The following SEPTIN9 variants were observed in gnomAD, a reference collection of about 807,000 sequenced individuals.
SEPTIN9 encodes the protein septin-9.
SEPTIN9 carries 13 observed loss-of-function variants against 56.6 expected under a neutral mutation model. That is an observed-to-expected ratio of 0.23 (90% CI 0.15 to 0.37). SEPTIN9 has a LOEUF of 0.37. SEPTIN9 is among the 10% of genes least tolerant of loss of function. The pLI is 1.00. For missense variants in SEPTIN9, 650 were observed against 823.1 expected (o/e 0.79, Z 2.57); for synonymous variants, 332 against 334.1 (o/e 0.99, Z 0.07).
rs2036025438 is a variant in SEPTIN9 at position 77,405,190 on chromosome 17, G to A, written c.721+2487G>A. The A allele has an allele frequency of 1.4e-6, 2 of 1,464,072 alleles. No individual in the cohort carries two copies. Among genetic ancestry groups the A allele is most frequent in the South Asian group, 2.4e-5 (2 of 82,328 alleles). The allele number at this position is 1,464,072 out of a possible 1,614,324, so 90.7% of individuals were successfully genotyped here. A position where few individuals can be genotyped will look rare whatever the true frequency, so the allele number is the denominator to read the frequency against. On this transcript the variant is annotated intron_variant, in intron 3 of 11. Coordinates refer to ENST00000427177, the MANE Select transcript of SEPTIN9 (RefSeq NM_001113491.2). The surrounding 1 kb of genome is among the most constrained non-coding windows in gnomAD (Gnocchi z 5.8). ...ACAAGAACATTCTCCTCCAGGGGCA[G>A]ACACAGTTTAGCCCCTAAATTGTGC...
intron 1 of SEPTIN9, among the ~76,000 whole-genome samples, chr17:77,298,618 G>C (rs1162560756): frequency 6.6e-6 from 1 of 152,170 alleles, no homozygotes; most frequent in Non-Finnish European, 1.5e-5. Context: ...CAAGTGCAGG[G>C]ATTCTCACCT....
chr17:77,318,153 C>T lies in SEPTIN9; in HGVS notation c.76+10956C>T, dbSNP rs1196336936. ...GTGGAAAAATTGTCTTCCCTGAAACCGATCCCAGGTGCCAAAAAGGTTGGG... is the reference window on the plus strand; with the variant it reads ...GTGGAAAAATTGTCTTCCCTGAAACTGATCCCAGGTGCCAAAAAGGTTGGG... On this transcript the variant is annotated intron_variant, in intron 2 of 11. Transcript: ENST00000427177. The surrounding 1 kb of genome is among the most constrained non-coding windows in gnomAD (Gnocchi z 4.9). Among the ~76,000 whole-genome samples, 1 of 152,160 alleles carries T rather than the reference C, an allele frequency of 6.6e-6. No homozygotes were observed. Among genetic ancestry groups the T allele is most frequent in the African/African-American group, 2.4e-5 (1 of 41,426 alleles).
rs1419808831 is a variant in SEPTIN9 at position 77,487,914 on chromosome 17, G to A, written c.1043-326G>A. Among the ~76,000 whole-genome samples, 1 of 152,200 alleles carries A rather than the reference G, an allele frequency of 6.6e-6. No individual in the cohort carries two copies. Among genetic ancestry groups the A allele is most frequent in the Non-Finnish European group, 1.5e-5 (1 of 68,028 alleles). On this transcript the variant is annotated intron_variant, in intron 5 of 11. Transcript: ENST00000427177. This position sits in a 1 kb window ranked among gnomAD's most constrained non-coding sequence, Gnocchi z 4.3. Reference sequence around the variant, plus strand: ...GGCAATCCCAGGTCCCCAAGACGGGGACTCGCTGTGCCCACCATCCCCAGC... The same window carrying A: ...GGCAATCCCAGGTCCCCAAGACGGGAACTCGCTGTGCCCACCATCCCCAGC...
rs778792331 is a variant in SEPTIN9 at position 77,498,707 on chromosome 17, C to A, written c.*49C>A. On this transcript the variant is annotated 3_prime_UTR_variant, in exon 12 of 12. Coordinates refer to ENST00000427177, the MANE Select transcript of SEPTIN9 (RefSeq NM_001113491.2). ...ATCCTGCCCCCAAGTCATTTCCGTC[C>A]CCCCCCAGGCCCTCCCACCACCCCA... 7.5e-6 allele frequency: 8 copies of A among 1,071,560 alleles called. No homozygotes were observed. The highest frequency in any genetic ancestry group is 3.2e-5 in the African/African-American group (2 of 61,948). 66.4% of individuals were successfully genotyped at this position (1,071,560 alleles called of 1,614,324 possible).
rs113236652 is a variant in SEPTIN9 at position 77,389,688 on chromosome 17, A to G, written c.77-12371A>G. 1.0e-3 allele frequency among the ~76,000 whole-genome samples: 155 copies of G among 151,322 alleles called. 1 individual carries two copies. Among genetic ancestry groups the G allele is most frequent in the African/African-American group, 3.5e-3 (146 of 41,180 alleles). On this transcript the variant is annotated intron_variant, in intron 2 of 11. Coordinates refer to ENST00000427177, the MANE Select transcript of SEPTIN9 (RefSeq NM_001113491.2). The surrounding 1 kb of genome is among the most constrained non-coding windows in gnomAD (Gnocchi z 4.3). ...TCCCACCCTTCTGCTGCCTTCCACC[A>G]GGGACGGAGGGTGGGCGGCCCTCCC... is the stretch of plus-strand genomic sequence containing the variant.
intron 2 of SEPTIN9, among the ~76,000 whole-genome samples, chr17:77,341,373 C>T (rs1392804013): frequency 1.3e-5 from 2 of 152,206 alleles, no homozygotes; most frequent in Non-Finnish European, 2.9e-5. Context: ...GAGCGGGGAA[C>T]AGCCAGTCAG....
At position 77,480,049 on chromosome 17, in the gene SEPTIN9, G is replaced by C. The variant is rs1252085806; in HGVS notation, c.722-2095G>C. Among the ~76,000 whole-genome samples, 11 of 152,188 alleles carry C rather than the reference G, an allele frequency of 7.2e-5. 1 individual carries two copies. Among genetic ancestry groups the C allele is most frequent in the Admixed American group, 7.2e-4 (11 of 15,290 alleles). ...CAGGAGCAGGAGCAAAGCCCTGAAGGCTTCCAGGCTGCGTGGCCTGGGTGG... is the reference window on the plus strand; with the variant it reads ...CAGGAGCAGGAGCAAAGCCCTGAAGCCTTCCAGGCTGCGTGGCCTGGGTGG... On this transcript the variant is annotated intron_variant, in intron 3 of 11. Coordinates refer to ENST00000427177, the MANE Select transcript of SEPTIN9 (RefSeq NM_001113491.2).
Position 77,445,465 on chromosome 17 carries a change from A to C in SEPTIN9, c.722-36679A>C, listed in dbSNP as rs1483849155. The C allele has an allele frequency of 2.1e-6, 1 of 467,958 alleles. No homozygotes were observed. The highest frequency in any genetic ancestry group is 1.6e-5 in the South Asian group (1 of 64,122). 29.0% of individuals were successfully genotyped at this position (467,958 alleles called of 1,614,324 possible). ...CAACCTGGCTTGGTGGTGGCCGAGG[A>C]GCTTGGCAGGAGCAGAGTGCAGGAC... On this transcript the variant is annotated intron_variant, in intron 3 of 11. Coordinates refer to ENST00000427177, the MANE Select transcript of SEPTIN9 (RefSeq NM_001113491.2). The surrounding 1 kb of genome is among the most constrained non-coding windows in gnomAD (Gnocchi z 4.7).
intron 3 of SEPTIN9, among the ~76,000 whole-genome samples, chr17:77,410,848 C>T (rs1382289178): frequency 6.6e-6 from 1 of 152,188 alleles, no homozygotes; most frequent in Non-Finnish European, 1.5e-5. Context: ...CTCTCTCACC[C>T]GCAAGCTGGT....
intron 2 of SEPTIN9, among the ~76,000 whole-genome samples, chr17:77,361,794 G>A (rs1408586802): frequency 1.3e-5 from 2 of 152,192 alleles, no homozygotes; most frequent in East Asian, 1.9e-4. Context: ...CACCGCGTCC[G>A]GCTAATTTTT....
chr17:77,402,358 G>A lies in SEPTIN9; in HGVS notation c.376G>A (p.Gly126Ser), dbSNP rs757364290. ...GCAGGTGGAGAACGCCGGGGCCATC[G>A]GCCCGTCCCGGTTCGGGCTCAAGAG... ...SKQVENAGAI[G>S]PSRFGLKRAE... is the part of the protein sequence containing the mutation. The change falls in exon 3 of 12, where the codon GGC (glycine) becomes AGC (serine). Residue 126 changes from glycine (G) to serine (S), a missense_variant. By Grantham distance (56) the Gly-to-Ser change is moderately conservative. Coordinates refer to ENST00000427177, the MANE Select transcript of SEPTIN9 (RefSeq NM_001113491.2). The surrounding 1 kb of genome is among the most constrained non-coding windows in gnomAD (Gnocchi z 6.6). 6.8e-6 allele frequency: 11 copies of A among 1,612,350 alleles called. No individual in the cohort carries two copies. Among genetic ancestry groups the A allele is most frequent in the South Asian group, 1.1e-5 (1 of 91,020 alleles).
chr17:77,407,762 C>T (rs1261368845), intron 3 of SEPTIN9, among the ~76,000 whole-genome samples: 2 of 152,220 alleles, frequency 1.3e-5, no homozygotes, highest in African/African-American at 4.8e-5. Flanking sequence ...GACTTGGCAC[C>T]CTCCTTGCTG....
intron 1 of SEPTIN9, among the ~76,000 whole-genome samples, chr17:77,296,458 C>T (rs1193557110): frequency 6.6e-6 from 1 of 151,850 alleles, no homozygotes; most frequent in African/African-American, 2.4e-5. Context: ...GAGATAGAGA[C>T]AGACAGACAC....
intron 3 of SEPTIN9, among the ~76,000 whole-genome samples, chr17:77,455,761 C>T (rs776870127): frequency 6.6e-6 from 1 of 152,240 alleles, no homozygotes; most frequent in South Asian, 2.1e-4. Flanking sequence ...GGTGCTTGCT[C>T]AACGAGTGTT....
chr17:77,350,218 T>A (rs1467038333), intron 2 of SEPTIN9, among the ~76,000 whole-genome samples: 1 of 147,966 alleles, frequency 6.8e-6, no homozygotes, highest in Non-Finnish European at 1.5e-5. Context: ...GTGGGTCGGC[T>A]CCTCACTAGA....
At position 77,400,927 on chromosome 17, in the gene SEPTIN9, C is replaced by T. The variant is rs997908902; in HGVS notation, c.77-1132C>T. Among the ~76,000 whole-genome samples, 3 of 152,128 alleles carry T rather than the reference C, an allele frequency of 2.0e-5. No individual in the cohort carries two copies. The highest frequency in any genetic ancestry group is 4.8e-5 in the African/African-American group (2 of 41,408). On this transcript the variant is annotated intron_variant, in intron 2 of 11. Transcript: ENST00000427177. The surrounding 1 kb of genome is among the most constrained non-coding windows in gnomAD (Gnocchi z 4.1). ...TCCCAGGTACCATCCCCACTGCCTC[C>T]GAGGGAGCAGACCCTGGTGGAGAGG...
intron 2 of SEPTIN9, among the ~76,000 whole-genome samples, chr17:77,312,322 G>T (rs1049215269): frequency 2.0e-5 from 3 of 152,042 alleles, no homozygotes; most frequent in African/African-American, 7.3e-5. Flanking sequence ...CTTAGTTTCC[G>T]CCCCCAAAGC....
At chr17:77,341,358 A>C (rs1481467990) in intron 2 of SEPTIN9, among the ~76,000 whole-genome samples, 2 of 152,210 alleles carry the variant, frequency 1.3e-5, no homozygotes, top group African/African-American at 4.8e-5. Flanking sequence ...GAGCAGAGGG[A>C]GAGAGAGCGG....
At chr17:77,366,800 G>A (rs888031957) in intron 2 of SEPTIN9, among the ~76,000 whole-genome samples, 6 of 152,210 alleles carry the variant, frequency 3.9e-5, no homozygotes, top group Admixed American at 1.3e-4. Flanking sequence ...GTGCCGGAGC[G>A]GGGAGCTCGG....
Sources: gnomAD v4.1 joint callset for allele counts (sites outside exome capture counted in the v4.1 genomes callset) on GRCh38, gnomAD v4.1.1 for gene constraint, Gnocchi (gnomAD v3.1) non-coding constraint, MANE v1.5 for transcripts, NCBI Gene and HGNC (gene_info 2026-07-23, HGNC 2026-07-21) for gene names.